ADAMTS18: variants seen among roughly 807,000 people sequenced by gnomAD.
The protein encoded by ADAMTS18 is ADAM metallopeptidase with thrombospondin type 1 motif 18.
A neutral mutation model predicts 165.9 loss-of-function variants in ADAMTS18; 157 were observed. The observed-to-expected ratio is 0.95, with a 90% CI of 0.83 to 1.08. ADAMTS18 has a LOEUF of 1.08. ADAMTS18 is among the 50% of genes least tolerant of loss of function. The pLI is 0.00. For synonymous variants in ADAMTS18, 782 were observed against 578.2 expected (o/e 1.35, Z -5.06); for missense variants, 2,040 against 1,534.0 (o/e 1.33, Z -5.51).
intron 10 of ADAMTS18, 117 bp downstream of exon 10, chr16:77,353,616 T>C (rs2056586412): frequency 1.5e-6 from 2 of 1,376,748 alleles, no homozygotes; most frequent in Admixed American, 1.8e-5. Context: ...ACTGACACGG[T>C]AGAGATAACC....
intron 10 of ADAMTS18, among the ~76,000 whole-genome samples, chr16:77,345,216 C>T (rs1252829885): frequency 1.3e-5 from 2 of 152,246 alleles, no homozygotes; most frequent in African/African-American, 4.8e-5. Flanking sequence ...ATGGCTTTTG[C>T]AAACCAAATT....
rs2055358555 is a variant in ADAMTS18, at chr16:77,291,305, G to A, written c.3363C>T (p.Tyr1121=). 1 of 1,614,078 alleles carries A rather than the reference G, an allele frequency of 6.2e-7. No individual in the cohort carries two copies. Among genetic ancestry groups the A allele is most frequent in the South Asian group, 1.1e-5 (1 of 91,088 alleles). ...ATGAATACCATCCAGCTACCATGTT[G>A]TACACTGGATGGGCTGGGCAAGCCC... ...NRRACPAHPV[Y]NMVAGWYSLP... The change falls in exon 21 of 23, where the codon TAC becomes TAT. Residue 1121 remains tyrosine, a synonymous_variant. Transcript: ENST00000282849.
At chr16:77,303,311 C>T (rs993928780) in intron 16 of ADAMTS18, among the ~76,000 whole-genome samples, 2 of 152,144 alleles carry the variant, frequency 1.3e-5, no homozygotes, top group East Asian at 1.9e-4. Flanking sequence ...GATGACACCC[C>T]GCCTCTGACA....
intron 12 of ADAMTS18, among the ~76,000 whole-genome samples, chr16:77,328,390 T>C (rs911358420): frequency 6.6e-6 from 1 of 152,096 alleles, no homozygotes; most frequent in African/African-American, 2.4e-5. Context: ...CTTGTCTCTT[T>C]AGGAGGCACA....
intron 12 of ADAMTS18, among the ~76,000 whole-genome samples, chr16:77,333,732 C>G (rs1395140704): frequency 6.6e-6 from 1 of 150,506 alleles, no homozygotes; most frequent in African/African-American, 2.4e-5. Flanking sequence ...GAAAATATGG[C>G]ACATATCCAT....
chr16:77,322,154 C>CAA (rs36089291), intron 14 of ADAMTS18, among the ~76,000 whole-genome samples, 182 bp downstream of exon 14: 47 of 73,282 alleles, frequency 6.4e-4, no homozygotes, highest in South Asian at 1.1e-3. Context: ...AATTTCATCT[C>CAA]AAAAAAAAAA....
At chr16:77,295,453 A>T (rs2055451349) in intron 18 of ADAMTS18, among the ~76,000 whole-genome samples, 1 of 152,194 alleles carries the variant, frequency 6.6e-6, no homozygotes, top group Non-Finnish European at 1.5e-5. Flanking sequence ...TCTCCTAAGC[A>T]TTAGGATTAG....
At chr16:77,286,908 C>T (rs73630448) in intron 22 of ADAMTS18, among the ~76,000 whole-genome samples, 2,095 of 152,246 alleles carry the variant, frequency 0.014, 57 homozygotes, top group African/African-American at 0.048. Flanking sequence ...ATAAGGATGG[C>T]TTCCCCAAGG....
At position 77,362,401 on chromosome 16, in the gene ADAMTS18, A is replaced by T; in HGVS notation, c.1057-137T>A. On this transcript the variant is annotated intron_variant, in intron 6 of 22. Transcript: ENST00000282849. ...GTAAACACTTGAGCTAAGGTAGGAG[A>T]CAGGAAAATCTCTATTTTAGGTAAA... is the stretch of plus-strand genomic sequence containing the variant. 5.6e-6 allele frequency: 5 copies of T among 895,122 alleles called. 1 individual carries two copies. The South Asian group carries it at 7.8e-5, about 14-fold the overall frequency. The allele number at this position is 895,122 out of a possible 1,614,324, so 55.4% of individuals were successfully genotyped here.
At chr16:77,336,659 G>A (rs141589032) in intron 11 of ADAMTS18, among the ~76,000 whole-genome samples, 33 of 152,286 alleles carry the variant, frequency 2.2e-4, no homozygotes, top group African/African-American at 6.7e-4. Context: ...TAGATGGAGA[G>A]CTTTTTTCTG....
chr16:77,424,595 T>C (rs1446935946), intron 3 of ADAMTS18, among the ~76,000 whole-genome samples: 1 of 152,198 alleles, frequency 6.6e-6, no homozygotes, highest in Non-Finnish European at 1.5e-5. Flanking sequence ...TTGGCTCTTC[T>C]TTTTAAAAAG....
chr16:77,431,571 C>G lies in ADAMTS18; in HGVS notation c.219G>C (p.Gly73=). 1 of 1,614,158 alleles carries G rather than the reference C, an allele frequency of 6.2e-7. No homozygotes were observed. Among genetic ancestry groups the G allele is most frequent in the South Asian group, 1.1e-5 (1 of 91,086 alleles). ...FVTPVEVDSA[G]SYISHDILHN... The stretch of plus-strand genomic sequence containing the variant: ...GCAAAATGTCGTGTGAAATATATGA[C>G]CCGGCTGAGTCTACTTCTACTGGCG... Residue 73 remains glycine (G), a synonymous_variant, in exon 3 of 23, where the codon GGG becomes GGC. Transcript: ENST00000282849.
intron 7 of ADAMTS18, among the ~76,000 whole-genome samples, chr16:77,361,629 G>A (rs1312635910): frequency 1.3e-5 from 2 of 152,170 alleles, no homozygotes; most frequent in African/African-American, 2.4e-5. Context: ...CATGCCTGTA[G>A]TCCCAGGACT....
At chr16:77,390,800 T>C (rs1246350269) in intron 3 of ADAMTS18, among the ~76,000 whole-genome samples, 6 of 152,114 alleles carry the variant, frequency 3.9e-5, no homozygotes, top group African/African-American at 1.4e-4. Context: ...TCACTACCCA[T>C]ATGTGGTTAT....
At position 77,284,054 on chromosome 16, in the gene ADAMTS18, C is replaced by G. The variant is rs145899353; in HGVS notation, c.3568G>C (p.Asp1190His). Reference protein sequence around the residue: ...PEKREDPSCVDFFNWCHLVPQ... With the variant: ...PEKREDPSCVHFFNWCHLVPQ... ...ACTAGGTGACACCAGTTGAAGAAAT[C>G]TACGCAGGATGGATCCTCTAAAATA... Residue 1190 changes from aspartate (D) to histidine (H), a missense_variant, in exon 23 of 23, where the codon GAT becomes CAT. Physicochemically the swap from Asp to His is moderately conservative, Grantham distance 81. Coordinates refer to ENST00000282849, the MANE Select transcript of ADAMTS18 (RefSeq NM_199355.4). 148 of 1,612,564 alleles carry G rather than the reference C, an allele frequency of 9.2e-5. No homozygotes were observed. Among genetic ancestry groups the G allele is most frequent in the Non-Finnish European group, 1.2e-4 (145 of 1,178,872 alleles).
chr16:77,367,397 G>A (rs919998153), intron 4 of ADAMTS18, 44 bp downstream of exon 4: 49 of 1,611,824 alleles, frequency 3.0e-5, no homozygotes, highest in Admixed American at 5.0e-5. Flanking sequence ...AAAACCTGTC[G>A]AGGCCCACAT....
intron 12 of ADAMTS18, among the ~76,000 whole-genome samples, chr16:77,332,867 C>A (rs1479301699): frequency 2.7e-4 from 41 of 152,088 alleles, no homozygotes; most frequent in Non-Finnish European, 2.9e-5. Flanking sequence ...AATTTGCTGT[C>A]AATATTTTTA....
intron 11 of ADAMTS18, among the ~76,000 whole-genome samples, chr16:77,339,850 G>T (rs2056372077): frequency 6.6e-6 from 1 of 152,214 alleles, no homozygotes; most frequent in Non-Finnish European, 1.5e-5. Context: ...TTAAAACAAA[G>T]AGTTAAAAAT....
intron 3 of ADAMTS18, among the ~76,000 whole-genome samples, chr16:77,418,475 A>T (rs1286017359): frequency 6.6e-6 from 1 of 152,150 alleles, no homozygotes. Context: ...GAGGCCTGGA[A>T]TGCTGCTAAA....
Sources: allele counts gnomAD v4.1 joint callset (sites outside exome capture counted in the v4.1 genomes callset), GRCh38; gene constraint gnomAD v4.1.1; transcripts MANE v1.5; gene names NCBI Gene and HGNC (gene_info 2026-07-23, HGNC 2026-07-21).